The following IGFL2 variants were observed in gnomAD, a reference collection of about 807,000 sequenced individuals.
The protein encoded by IGFL2 is IGF like family member 2, also known as insulin growth factor-like family member 2.
Under a neutral mutation model 13.9 loss-of-function variants are expected in IGFL2, and 7 were observed. That is an observed-to-expected ratio of 0.51 (90% CI 0.29 to 0.95). IGFL2 has a LOEUF of 0.95. IGFL2 is among the 40% of genes least tolerant of loss of function. IGFL2 has a pLI of 0.08. For missense variants in IGFL2, 138 were observed against 147.8 expected, an observed-to-expected ratio of 0.93 and a Z score of 0.34; for synonymous variants, 55 against 55.8, an observed-to-expected ratio of 0.99 and a Z score of 0.07.
the IGFL2 span, among the ~76,000 whole-genome samples, chr19:46,177,234 A>T: frequency 5.3e-5 from 8 of 152,068 alleles, no homozygotes; most frequent in Non-Finnish European, 1.0e-4. Flanking sequence ...GTCTCTACTG[A>T]AAATACAAAA....
At chr19:46,205,919 CAGAA>C in the IGFL2 span, among the ~76,000 whole-genome samples, 3 of 152,144 alleles carry the variant, frequency 2.0e-5, no homozygotes, top group Non-Finnish European at 4.4e-5. Flanking sequence ...GCTGCCAAGA[CAGAA>C]AGCACATGGT....
chr19:46,184,226 G>A, the IGFL2 span, among the ~76,000 whole-genome samples: 3 of 151,706 alleles, frequency 2.0e-5, no homozygotes, highest in Admixed American at 6.6e-5. Flanking sequence ...AATTATATGT[G>A]CCTCTCTCTT....
At chr19:46,155,351 C>T (rs1422801191) in intron 1 of IGFL2, among the ~76,000 whole-genome samples, 2 of 152,102 alleles carry the variant, frequency 1.3e-5, no homozygotes, top group Non-Finnish European at 2.9e-5. Context: ...TCCGTGACTA[C>T]CCAGCATAGA....
downstream of IGFL2, chr19:46,164,249 G>A (rs1974290851): frequency 2.0e-5 from 3 of 152,110 alleles, no homozygotes; most frequent in South Asian, 6.2e-4. Flanking sequence ...AGGGGTGACT[G>A]TAGGTCCTGG....
intron 1 of IGFL2, among the ~76,000 whole-genome samples, chr19:46,150,588 A>G (rs1421362828): frequency 6.6e-6 from 1 of 152,238 alleles, no homozygotes; most frequent in Admixed American, 6.5e-5. Flanking sequence ...ATTAATTACC[A>G]TATCTACCAC....
chr19:46,209,482 A>T, the IGFL2 span: 1 of 152,224 alleles, frequency 6.6e-6, no homozygotes, highest in African/African-American at 2.4e-5. Context: ...TGTCAACAGC[A>T]TCAGCATCCT....
chr19:46,157,577 C>T (rs1023783710), intron 1 of IGFL2, among the ~76,000 whole-genome samples: 25 of 152,118 alleles, frequency 1.6e-4, no homozygotes, highest in African/African-American at 6.0e-4. Flanking sequence ...TAAAATTTAA[C>T]ACCCATTCGT....
the IGFL2 span, among the ~76,000 whole-genome samples, chr19:46,109,707 G>GA: frequency 1.3e-5 from 2 of 152,300 alleles, no homozygotes; most frequent in East Asian, 3.9e-4. Flanking sequence ...CAAGGGTGGG[G>GA]AGGGTGTATC....
At chr19:46,183,334 CAG>C in the IGFL2 span, among the ~76,000 whole-genome samples, 4 of 152,092 alleles carry the variant, frequency 2.6e-5, no homozygotes, top group African/African-American at 9.7e-5. Context: ...AGTGGGGACA[CAG>C]AGCCAAAGCA....
At chr19:46,137,007 G>C in the IGFL2 span, 16 of 1,574,212 alleles carry the variant, frequency 1.0e-5, no homozygotes, top group African/African-American at 1.6e-4. Context: ...GCAGAGAAAG[G>C]GACATCTTTC....
chr19:46,193,018 T>G, the IGFL2 span, among the ~76,000 whole-genome samples: 1 of 151,882 alleles, frequency 6.6e-6, no homozygotes, highest in African/African-American at 2.4e-5. Flanking sequence ...GGTGAAATCC[T>G]ATCTCTACTA....
At chr19:46,127,382 GAGAATA>G in the IGFL2 span, among the ~76,000 whole-genome samples, 1 of 152,142 alleles carries the variant, frequency 6.6e-6, no homozygotes, top group Non-Finnish European at 1.5e-5. Flanking sequence ...AGGAGAGAAA[GAGAATA>G]AGAAAGAAAG....
At chr19:46,154,786 C>A (rs1973721882) in intron 1 of IGFL2, among the ~76,000 whole-genome samples, 1 of 152,146 alleles carries the variant, frequency 6.6e-6, no homozygotes. Flanking sequence ...CATGGAATTA[C>A]CACCCTCTTC....
the IGFL2 span, among the ~76,000 whole-genome samples, chr19:46,191,862 T>C: frequency 6.6e-6 from 1 of 152,242 alleles, no homozygotes; most frequent in African/African-American, 2.4e-5. Flanking sequence ...ATAGTTTGAC[T>C]AAAAGTATCT....
the IGFL2 span, among the ~76,000 whole-genome samples, chr19:46,210,548 C>T: frequency 5.3e-5 from 8 of 152,158 alleles, no homozygotes; most frequent in African/African-American, 1.9e-4. Flanking sequence ...AGCAAGGAAG[C>T]CAGTCCATGT....
Position 46,150,130 on chromosome 19 carries a change from A to G in IGFL2, c.19+1833A>G, listed in dbSNP as rs994799994. Among the ~76,000 whole-genome samples, 3 of 152,194 alleles carry G rather than the reference A, an allele frequency of 2.0e-5. No homozygotes were observed. In the South Asian group the frequency reaches 6.2e-4, roughly 32 times the overall value. ...ATTTGCGTTTCCTTGGTAAATAACA[A>G]TGCTGAGTGTCTTTTCCATGTGCTT... is the stretch of plus-strand genomic sequence containing the variant. On this transcript the variant is annotated intron_variant, in intron 1 of 3. Coordinates refer to ENST00000377693, the MANE Select transcript of IGFL2 (RefSeq NM_001135113.2).
At chr19:46,095,656 T>C in the IGFL2 span, among the ~76,000 whole-genome samples, 1 of 152,214 alleles carries the variant, frequency 6.6e-6, no homozygotes, top group Admixed American at 6.5e-5. Context: ...TTTATAGTTT[T>C]GGGTTTCACA....
the IGFL2 span, among the ~76,000 whole-genome samples, chr19:46,198,981 GC>G: frequency 6.6e-6 from 1 of 152,198 alleles, no homozygotes; most frequent in East Asian, 1.9e-4. Context: ...AAATGTCAAG[GC>G]CCCCACGGTT....
downstream of IGFL2, among the ~76,000 whole-genome samples, chr19:46,161,784 GT>G (rs1974184344): frequency 6.6e-6 from 1 of 152,176 alleles, no homozygotes; most frequent in Non-Finnish European, 1.5e-5. Context: ...ACTAGTCTGT[GT>G]CTTTTAAGTG....
Sources: allele counts gnomAD v4.1 joint callset (sites outside exome capture counted in the v4.1 genomes callset), GRCh38; gene constraint gnomAD v4.1.1; transcripts MANE v1.5; gene names NCBI Gene and HGNC (gene_info 2026-07-23, HGNC 2026-07-21).